The following RNF13 variants were observed in gnomAD, a reference collection of about 807,000 sequenced individuals.
RNF13 encodes the protein ring finger protein 13.
Under a neutral mutation model 37.7 loss-of-function variants are expected in RNF13, and 19 were observed. The observed-to-expected ratio is 0.50, with a 90% CI of 0.35 to 0.74. The LOEUF is 0.74. RNF13 is among the 30% of genes least tolerant of loss of function. The pLI, the probability that RNF13 is intolerant of heterozygous loss-of-function variation, is 0.01. For missense variants in RNF13, 375 were observed against 453.0 expected (o/e 0.83, Z 1.56); for synonymous variants, 144 against 157.8 (o/e 0.91, Z 0.65).
At chr3:149,893,234 CTG>C (rs1714906978) in intron 4 of RNF13, among the ~76,000 whole-genome samples, 1 of 152,176 alleles carries the variant, frequency 6.6e-6, no homozygotes, top group South Asian at 2.1e-4. Flanking sequence ...CCACTTTTCT[CTG>C]TGTTCTAACA....
chr3:149,868,200 T>C (rs902250022), intron 3 of RNF13, among the ~76,000 whole-genome samples: 30 of 151,862 alleles, frequency 2.0e-4, no homozygotes. Context: ...TAAATAGATT[T>C]GTCTTCTGGA....
intron 3 of RNF13, among the ~76,000 whole-genome samples, chr3:149,853,455 G>GA (rs1723306052): frequency 5.1e-5 from 6 of 117,302 alleles, no homozygotes; most frequent in African/African-American, 1.3e-4. Flanking sequence ...AGAGAGAGAG[G>GA]GAGAGAGAGA....
chr3:149,947,968 G>C (rs1481540731), intron 8 of RNF13, among the ~76,000 whole-genome samples: 2 of 151,906 alleles, frequency 1.3e-5, no homozygotes, highest in Non-Finnish European at 2.9e-5. Flanking sequence ...TTGTTTGTTT[G>C]AGAAGGAGTC....
rs145980171 is a variant in RNF13, at chr3:149,831,246, G to C, written c.-16-14765G>C. Among the ~76,000 whole-genome samples, 42 of 152,320 alleles carry C rather than the reference G, an allele frequency of 2.8e-4. No individual in the cohort carries two copies. The East Asian group carries it at 7.5e-3, about 27-fold the overall frequency. On this transcript the variant is annotated intron_variant, in intron 1 of 9. Transcript: ENST00000392894. ...CTGTTCTCCAGACTCCAGAATGGTA[G>C]ATCCACCAATGGCTTGCACCACATG...
intron 4 of RNF13, among the ~76,000 whole-genome samples, chr3:149,888,473 C>T (rs567700374): frequency 1.1e-4 from 16 of 152,346 alleles, no homozygotes; most frequent in African/African-American, 2.6e-4. Flanking sequence ...TATGCTGTTG[C>T]TGGAATATCC....
At chr3:149,954,575 T>C (rs1350568842) in intron 8 of RNF13, among the ~76,000 whole-genome samples, 2 of 152,216 alleles carry the variant, frequency 1.3e-5, no homozygotes, top group Non-Finnish European at 2.9e-5. Flanking sequence ...TAGCTTGTAA[T>C]ACAATTCACA....
chr3:149,959,109 C>T (rs575275643), intron 8 of RNF13, among the ~76,000 whole-genome samples: 4 of 152,290 alleles, frequency 2.6e-5, no homozygotes, highest in Admixed American at 6.5e-5. Context: ...TGTCTTTTGT[C>T]CCTAAAAGTT....
At chr3:149,836,108 T>C (rs1326686772) in intron 1 of RNF13, among the ~76,000 whole-genome samples, 1 of 152,170 alleles carries the variant, frequency 6.6e-6, no homozygotes, top group Non-Finnish European at 1.5e-5. Flanking sequence ...TGGTATTGCA[T>C]AGTGGTTTTG....
intron 5 of RNF13, among the ~76,000 whole-genome samples, chr3:149,896,749 G>T (rs561305150): frequency 6.6e-5 from 10 of 152,168 alleles, no homozygotes; most frequent in Admixed American, 5.2e-4. Context: ...AAAGTGCTGG[G>T]ATTACATTCG....
intron 1 of RNF13, among the ~76,000 whole-genome samples, chr3:149,840,043 T>C (rs1321683061): frequency 6.6e-6 from 1 of 152,208 alleles, no homozygotes; most frequent in Non-Finnish European, 1.5e-5. Context: ...AAAATTCTTG[T>C]AAACTTGAAG....
intron 3 of RNF13, among the ~76,000 whole-genome samples, chr3:149,853,500 G>A (rs930352411): frequency 8.3e-6 from 1 of 121,190 alleles, no homozygotes. Context: ...GAGAGAGAGA[G>A]AATGGACTAT....
intron 8 of RNF13, chr3:149,939,256 CT>C: frequency 2.1e-6 from 1 of 479,142 alleles, no homozygotes; most frequent in Non-Finnish European, 4.0e-6. Flanking sequence ...CTCACTGGTG[CT>C]TTTTATCCAG....
At chr3:149,947,407 C>CTTTTTTTTTTTT (rs869289029) in intron 8 of RNF13, among the ~76,000 whole-genome samples, 39 of 140,118 alleles carry the variant, frequency 2.8e-4, no homozygotes, top group African/African-American at 1.0e-3. Flanking sequence ...TCTTTCAGTT[C>CTTTTTTTTTTTT]TTTTTTTTTT....
chr3:149,926,242 C>T (rs1044276989), intron 8 of RNF13, among the ~76,000 whole-genome samples: 3 of 152,112 alleles, frequency 2.0e-5, no homozygotes, highest in African/African-American at 4.8e-5. Context: ...GGCGGAGTCT[C>T]GCTCTGTCCC....
chr3:149,930,718 T>C (rs1028977354), intron 8 of RNF13, among the ~76,000 whole-genome samples: 1 of 152,196 alleles, frequency 6.6e-6, no homozygotes, highest in African/African-American at 2.4e-5. Flanking sequence ...AAGGTTATTA[T>C]TTATCGGTTC....
intron 1 of RNF13, among the ~76,000 whole-genome samples, chr3:149,835,622 G>T (rs550919344): frequency 7.0e-6 from 1 of 142,486 alleles, no homozygotes; most frequent in Non-Finnish European, 1.5e-5. Flanking sequence ...TTATGGCTGC[G>T]TAGTATTCCA....
chr3:149,838,074 A>C (rs1721807585), intron 1 of RNF13, among the ~76,000 whole-genome samples: 1 of 152,212 alleles, frequency 6.6e-6, no homozygotes, highest in Admixed American at 6.5e-5. Flanking sequence ...GTCAAATCTT[A>C]AAGCTCCAAA....
intron 1 of RNF13, among the ~76,000 whole-genome samples, chr3:149,845,378 C>G (rs1170335252): frequency 6.6e-6 from 1 of 151,870 alleles, no homozygotes; most frequent in Non-Finnish European, 1.5e-5. Flanking sequence ...TATCTTTTTG[C>G]TAAAAGAGAG....
At position 149,961,658 on chromosome 3, in the gene RNF13, G is replaced by A. The variant is rs1280076550; in HGVS notation, c.*554G>A. 2.6e-5 allele frequency: 6 copies of A among 233,184 alleles called. No homozygotes were observed. The highest frequency in any genetic ancestry group is 5.3e-5 in the Admixed American group (1 of 19,014). 14.4% of individuals were successfully genotyped at this position (233,184 alleles called of 1,614,324 possible). On this transcript the variant is annotated 3_prime_UTR_variant, in exon 10 of 10. Transcript: ENST00000392894. ...AAAGCAGTCTTATCCTGACAGGAGC[G>A]GTCTATACTAGTGCAGATTTCAACA...
Sources: gnomAD v4.1 joint callset for allele counts (sites outside exome capture counted in the v4.1 genomes callset) on GRCh38, gnomAD v4.1.1 for gene constraint, MANE v1.5 for transcripts, NCBI Gene and HGNC (gene_info 2026-07-23, HGNC 2026-07-21) for gene names.